Variants in KCNH1 observed in about 807,000 individuals in gnomAD.
KCNH1 encodes voltage-gated delayed rectifier potassium channel KCNH1.
In KCNH1, 27 loss-of-function variants were observed where a neutral mutation model predicts 69.2. That is an observed-to-expected ratio of 0.39 (90% CI 0.29 to 0.54). The LOEUF is 0.54. KCNH1 is among the 20% of genes least tolerant of loss of function. The pLI is 0.68. For missense variants in KCNH1, 798 were observed against 1,261.6 expected, an observed-to-expected ratio of 0.63 and a Z score of 5.57; for synonymous variants, 456 against 487.7, an observed-to-expected ratio of 0.93 and a Z score of 0.86.
At chr1:211,047,409 G>C (rs961370137) in intron 5 of KCNH1, among the ~76,000 whole-genome samples, 3 of 152,188 alleles carry the variant, frequency 2.0e-5, no homozygotes, top group Admixed American at 2.0e-4. Context: ...GGTGGGGAAT[G>C]GGCAGGCCAT....
intron 7 of KCNH1, among the ~76,000 whole-genome samples, chr1:210,915,192 A>G (rs1350962348): frequency 6.6e-6 from 1 of 152,142 alleles, no homozygotes; most frequent in Non-Finnish European, 1.5e-5. Flanking sequence ...CACAGTGAAG[A>G]GTCCATTTCT....
chr1:210,860,277 T>C, intron 7 of KCNH1: 1 of 1,416,408 alleles, frequency 7.1e-7, no homozygotes, highest in Non-Finnish European at 1.0e-6. Context: ...GCCACATCTG[T>C]GGAGACACTT....
chr1:210,685,062 G>A (rs142045853), intron 10 of KCNH1, among the ~76,000 whole-genome samples: 3 of 152,272 alleles, frequency 2.0e-5, no homozygotes, highest in East Asian at 1.9e-4. Flanking sequence ...AATACTTCAC[G>A]CAGAGGATGG....
At chr1:211,045,432 AG>A (rs1243374392) in intron 5 of KCNH1, among the ~76,000 whole-genome samples, 2 of 152,108 alleles carry the variant, frequency 1.3e-5, no homozygotes, top group African/African-American at 4.8e-5. Context: ...AAAATTAAAA[AG>A]AAAAAAAGAA....
intron 5 of KCNH1, among the ~76,000 whole-genome samples, chr1:211,058,613 A>C (rs191199011): frequency 4.1e-4 from 62 of 152,320 alleles, no homozygotes; most frequent in African/African-American, 1.4e-3. Flanking sequence ...TCCACAAAAA[A>C]AAGCAAGAAA....
chr1:211,043,524 A>T (rs1441031554), intron 5 of KCNH1, among the ~76,000 whole-genome samples: 1 of 151,836 alleles, frequency 6.6e-6, no homozygotes, highest in Non-Finnish European at 1.5e-5. Flanking sequence ...TCTACCAGAC[A>T]TTCAAAGTCC....
chr1:210,990,394 T>C (rs573527463), intron 6 of KCNH1, among the ~76,000 whole-genome samples: 10 of 152,320 alleles, frequency 6.6e-5, no homozygotes, highest in African/African-American at 2.2e-4. Flanking sequence ...CCGTTACTCA[T>C]GTTACTTACT....
chr1:211,040,107 C>T (rs577118829), intron 5 of KCNH1, among the ~76,000 whole-genome samples: 7 of 149,672 alleles, frequency 4.7e-5, no homozygotes, highest in Non-Finnish European at 7.4e-5. Context: ...AGGAGAATGG[C>T]GTGAACCTGG....
intron 9 of KCNH1, among the ~76,000 whole-genome samples, chr1:210,782,503 A>C (rs1684007075): frequency 6.6e-6 from 1 of 152,188 alleles, no homozygotes; most frequent in South Asian, 2.1e-4. Context: ...AGGTGGGCAG[A>C]GCACTTGAGG....
chr1:210,863,629 T>C (rs1000789713), intron 7 of KCNH1, among the ~76,000 whole-genome samples: 1 of 152,206 alleles, frequency 6.6e-6, no homozygotes, highest in Non-Finnish European at 1.5e-5. Context: ...ATCTGAATGG[T>C]ACCTCCATCA....
intron 7 of KCNH1, among the ~76,000 whole-genome samples, chr1:210,869,806 T>G (rs1686199400): frequency 6.6e-6 from 1 of 152,104 alleles, no homozygotes; most frequent in South Asian, 2.1e-4. Context: ...TGGTCATAAC[T>G]CAAACTTCTA....
intron 9 of KCNH1, among the ~76,000 whole-genome samples, chr1:210,788,826 A>AAT (rs1684158565): frequency 6.9e-6 from 1 of 145,678 alleles, no homozygotes; most frequent in African/African-American, 2.6e-5. Context: ...CCTCCCAAGT[A>AAT]GCTGGGACTA....
intron 7 of KCNH1, chr1:210,859,222 A>G: frequency 9.9e-6 from 16 of 1,612,566 alleles, no homozygotes; most frequent in Non-Finnish European, 1.3e-5. Context: ...AACTTGGCAC[A>G]ACTGGAGCAC....
chr1:211,051,480 G>A (rs4951714), intron 5 of KCNH1, among the ~76,000 whole-genome samples: 6,596 of 152,158 alleles, frequency 0.043, 228 homozygotes, highest in East Asian at 0.12. Context: ...GAGCACATGT[G>A]AGATCTACAC....
chr1:210,747,383 A>G (rs1683183051), intron 10 of KCNH1, among the ~76,000 whole-genome samples: 1 of 152,022 alleles, frequency 6.6e-6, no homozygotes, highest in African/African-American at 2.4e-5. Flanking sequence ...AGGGTCACAC[A>G]CTTCAGTCCT....
chr1:210,859,568 T>C, intron 7 of KCNH1: 1 of 1,564,764 alleles, frequency 6.4e-7, no homozygotes, highest in Non-Finnish European at 8.8e-7. Context: ...TCTTCATCAA[T>C]ATCATCTTCA....
intron 9 of KCNH1, among the ~76,000 whole-genome samples, chr1:210,775,750 G>A (rs1012144097): frequency 1.3e-5 from 2 of 152,152 alleles, no homozygotes; most frequent in Non-Finnish European, 2.9e-5. Flanking sequence ...GTTAACACAT[G>A]CCAAAGTTTA....
At chr1:211,126,528 A>G (rs61848610) in intron 1 of KCNH1, among the ~76,000 whole-genome samples, 5 of 149,670 alleles carry the variant, frequency 3.3e-5, no homozygotes, top group African/African-American at 1.2e-4. Flanking sequence ...AAAAAAAATT[A>G]GCTGGGTGTG....
intron 6 of KCNH1, among the ~76,000 whole-genome samples, chr1:211,016,500 T>C (rs1291300764): frequency 3.3e-5 from 5 of 152,194 alleles, no homozygotes; most frequent in Admixed American, 6.5e-5. Context: ...TAAGAAGCTC[T>C]TTTAGATTCA....
Sources: allele counts gnomAD v4.1 joint callset (sites outside exome capture counted in the v4.1 genomes callset), GRCh38; gene constraint gnomAD v4.1.1; transcripts MANE v1.5; gene names NCBI Gene and HGNC (gene_info 2026-07-23, HGNC 2026-07-21).